The following COPA variants were observed in gnomAD, a reference collection of about 807,000 sequenced individuals.
COPA encodes coat protein complex I subunit alpha, also known as coatomer subunit alpha.
In COPA, 10 loss-of-function variants were observed where a neutral mutation model predicts 158.7. The ratio of observed to expected loss-of-function variants is 0.06; its 90% CI spans 0.04 to 0.11. COPA has a LOEUF of 0.11. Ranked by LOEUF, COPA falls within the 10% of genes least tolerant of loss-of-function variation. COPA has a pLI of 1.00. For synonymous variants in COPA, 462 were observed against 542.8 expected (o/e 0.85, Z 2.07); for missense variants, 1,065 against 1,536.7 (o/e 0.69, Z 5.13).
At position 160,327,054 on chromosome 1, in the gene COPA, A is replaced by G. The variant is rs957100798; in HGVS notation, c.497-1402T>C. Among the ~76,000 whole-genome samples, 3 of 152,234 alleles carry G rather than the reference A, an allele frequency of 2.0e-5. No individual in the cohort carries two copies. The East Asian group carries it at 5.8e-4, about 29-fold the overall frequency. On this transcript the variant is annotated intron_variant, in intron 6 of 32. Transcript: ENST00000241704. The stretch of plus-strand genomic sequence containing the variant: ...GTATGTTATGTAACTGGACTCTGAT[A>G]ACAAACCTTTGGAATGAACAAGCAG...
At chr1:160,338,618 A>G (rs184048128) in intron 3 of COPA, among the ~76,000 whole-genome samples, 2 of 152,308 alleles carry the variant, frequency 1.3e-5, no homozygotes, top group Admixed American at 6.5e-5. Flanking sequence ...AGAATTGCCT[A>G]TATTCTGTCT....
At chr1:160,296,035 A>C in intron 22 of COPA, 26 bp downstream of exon 22, 9 of 1,605,056 alleles carry the variant, frequency 5.6e-6, no homozygotes, top group Non-Finnish European at 7.7e-6. Flanking sequence ...CTGTAATAAG[A>C]GACAATTATG....
rs1648059103 is a variant in COPA at position 160,341,703 on chromosome 1, CTT to C, written c.41-1411_41-1410del. ...TAAGACCCTCCCCCCAAAAAAGTAA[CTT>C]AACTTTTTTTTTCTTGCATTTCTTT... On this transcript the variant is annotated intron_variant, in intron 1 of 32. Transcript: ENST00000241704. Among the ~76,000 whole-genome samples, 6 of 152,198 alleles carry C rather than the reference CTT, an allele frequency of 3.9e-5. No individual in the cohort carries two copies. The South Asian group carries it at 1.0e-3, about 26-fold the overall frequency.
chr1:160,303,656 A>AAT (rs1174192494), intron 17 of COPA, among the ~76,000 whole-genome samples: 1 of 152,236 alleles, frequency 6.6e-6, no homozygotes, highest in African/African-American at 2.4e-5. Context: ...GATGAAACCT[A>AAT]ATATCCATAA....
intron 8 of COPA, among the ~76,000 whole-genome samples, chr1:160,316,980 A>G (rs1659163216): frequency 6.6e-6 from 1 of 152,132 alleles, no homozygotes; most frequent in Admixed American, 6.5e-5. Context: ...ATCCTAAAAT[A>G]CACAACAGAA....
At chr1:160,308,363 G>C (rs960204388) in intron 13 of COPA, among the ~76,000 whole-genome samples, 17 of 152,076 alleles carry the variant, frequency 1.1e-4, no homozygotes, top group African/African-American at 4.1e-4. Context: ...AATAACCCAG[G>C]GGCACCCACA....
chr1:160,322,619 C>T (rs181200129), intron 8 of COPA, among the ~76,000 whole-genome samples: 157 of 151,866 alleles, frequency 1.0e-3, no homozygotes, highest in African/African-American at 3.6e-3. Context: ...AAAAGACATG[C>T]GAATCAAATC....
In COPA at chr1:160,291,484, A is replaced by C; in HGVS notation, c.3271T>G (p.Phe1091Val). Residue 1091 changes from phenylalanine (F) to valine (V), a missense_variant, in exon 31 of 33, where the codon TTC (phenylalanine) becomes GTC (valine). Physicochemically the swap from Phe to Val is conservative, Grantham distance 50. Coordinates refer to ENST00000241704, the MANE Select transcript of COPA (RefSeq NM_004371.4). ...ACAGGCTGCAGGTTTGAGTGGGTGAAATAGGCTGCCATCTGGTGGACAGAA... is the reference window on the plus strand; with the variant it reads ...ACAGGCTGCAGGTTTGAGTGGGTGACATAGGCTGCCATCTGGTGGACAGAA... Reference protein sequence around the residue: ...QKRICEMAAYFTHSNLQPVHM... With the variant: ...QKRICEMAAYVTHSNLQPVHM... 1 of 1,613,522 alleles carries C rather than the reference A, an allele frequency of 6.2e-7. No homozygotes were observed.
intron 11 of COPA, 28 bp downstream of exon 11, chr1:160,311,840 T>G (rs983721461): frequency 1.2e-6 from 2 of 1,602,462 alleles, no homozygotes; most frequent in Non-Finnish European, 1.7e-6. Context: ...ATGAGAGGGT[T>G]TGGAGGAAAG....
intron 7 of COPA, among the ~76,000 whole-genome samples, chr1:160,324,702 A>G (rs1051099186): frequency 6.6e-6 from 1 of 152,162 alleles, no homozygotes; most frequent in African/African-American, 2.4e-5. Flanking sequence ...GTGTGCTGAT[A>G]TATTTCATGT....
chr1:160,290,367 T>C (rs1658185206), intron 32 of COPA, 125 bp downstream of exon 32: 6 of 1,372,034 alleles, frequency 4.4e-6, no homozygotes, highest in African/African-American at 1.4e-5. Context: ...ATGCTCTAGC[T>C]TTCTCCAGTG....
intron 27 of COPA, 115 bp from the exon 28 acceptor site, chr1:160,292,735 A>C (rs1409482286): frequency 1.3e-6 from 1 of 778,280 alleles, no homozygotes; most frequent in Non-Finnish European, 2.0e-6. Flanking sequence ...AAATACACTT[A>C]ATTGTAAGAC....
intron 8 of COPA, among the ~76,000 whole-genome samples, chr1:160,318,200 T>C (rs1659208921): frequency 6.6e-6 from 1 of 152,006 alleles, no homozygotes; most frequent in African/African-American, 2.4e-5. Flanking sequence ...GAATATCGGG[T>C]TGAAGTCAAG....
At chr1:160,292,312 G>A (rs954461139) in intron 28 of COPA, 114 bp from the exon 29 acceptor site, 2 of 1,546,236 alleles carry the variant, frequency 1.3e-6, no homozygotes, top group African/African-American at 1.4e-5. Context: ...TAAAGTAGCT[G>A]GGGAAGAGGA....
intron 7 of COPA, among the ~76,000 whole-genome samples, chr1:160,323,898 G>A (rs1057303495): frequency 2.6e-4 from 40 of 152,238 alleles, no homozygotes; most frequent in African/African-American, 8.7e-4. Flanking sequence ...GTCTCGCTCT[G>A]TCACCCAGGC....
intron 15 of COPA, among the ~76,000 whole-genome samples, 159 bp downstream of exon 15, chr1:160,306,195 A>T (rs1219056610): frequency 6.6e-6 from 1 of 152,192 alleles, no homozygotes; most frequent in Non-Finnish European, 1.5e-5. Flanking sequence ...TGAAGAATGG[A>T]GAGTGATCAC....
Position 160,339,893 on chromosome 1 carries a change from G to A in COPA, c.228+16C>T, listed in dbSNP as rs1329319701. 6.2e-7 allele frequency: 1 copy of A among 1,609,668 alleles called. No homozygotes were observed. The highest frequency in any genetic ancestry group is 1.1e-5 in the South Asian group (1 of 90,934). ...TCCTCTTTCCTTTATTCTCAGTTAT[G>A]ACAGACCCTCTGTACCTTAATCTTA... On this transcript the variant is annotated intron_variant, in intron 3 of 32. Coordinates refer to ENST00000241704, the MANE Select transcript of COPA (RefSeq NM_004371.4).
At position 160,305,453 on chromosome 1, in the gene COPA, G is replaced by A; in HGVS notation, c.1647C>T (p.Ile549=). 6.2e-7 allele frequency: 1 copy of A among 1,614,118 alleles called. No homozygotes were observed. The highest frequency in any genetic ancestry group is 8.5e-7 in the Non-Finnish European group (1 of 1,180,008). ...GVFIYTTSNH[I]KYAVTTGDHG... ...CTTACCCAGTGGTGACAGCATATTT[G>A]ATGTGGTTGCTTGTGGTATAGATAA... Residue 549 remains isoleucine (I), a synonymous_variant, in exon 17 of 33, where the codon ATC becomes ATT. Coordinates refer to ENST00000241704, the MANE Select transcript of COPA (RefSeq NM_004371.4).
intron 3 of COPA, chr1:160,339,686 C>T (rs41265801): frequency 0.015 from 6,913 of 470,080 alleles, 71 homozygotes; most frequent in Non-Finnish European, 0.018. Flanking sequence ...TCCTTGAAAA[C>T]AGAAGCCATT....
Sources: allele counts gnomAD v4.1 joint callset (sites outside exome capture counted in the v4.1 genomes callset), GRCh38; gene constraint gnomAD v4.1.1; transcripts MANE v1.5; gene names NCBI Gene and HGNC (gene_info 2026-07-23, HGNC 2026-07-21).